Variants in MCTP1 observed in about 807,000 individuals in gnomAD.
The protein encoded by MCTP1 is multiple C2 and transmembrane domain-containing protein 1.
A neutral mutation model predicts 120.6 loss-of-function variants in MCTP1; 69 were observed. The observed-to-expected ratio is 0.57, with a 90% confidence interval of 0.47 to 0.70. The LOEUF (loss-of-function observed/expected upper bound fraction) is 0.70. Ranked by LOEUF, MCTP1 falls within the 30% of genes least tolerant of loss-of-function variation. The pLI is 0.00. For missense variants in MCTP1, 1,203 were observed against 1,248.8 expected, an observed-to-expected ratio of 0.96 and a Z score of 0.55; for synonymous variants, 529 against 493.1, an observed-to-expected ratio of 1.07 and a Z score of -0.96.
At chr5:95,161,072 C>G (rs1229242877) in intron 1 of MCTP1, among the ~76,000 whole-genome samples, 2 of 152,150 alleles carry the variant, frequency 1.3e-5, no homozygotes. Context: ...ACCACATGAT[C>G]CAGCAATCCT....
At chr5:94,936,582 G>C (rs1816255456) in intron 5 of MCTP1, among the ~76,000 whole-genome samples, 1 of 151,962 alleles carries the variant, frequency 6.6e-6, no homozygotes, top group South Asian at 2.1e-4. Flanking sequence ...TATAAAGCCT[G>C]GTATAATGCT....
intron 15 of MCTP1, 135 bp downstream of exon 15, chr5:94,870,737 C>A (rs542956940): frequency 2.8e-6 from 2 of 715,330 alleles, no homozygotes; most frequent in Admixed American, 5.0e-5. Flanking sequence ...CAGGCAGTGG[C>A]AGAAGCGTAT....
At chr5:94,939,988 A>T in intron 5 of MCTP1, 96 bp downstream of exon 5, 1 of 617,174 alleles carries the variant, frequency 1.6e-6, no homozygotes, top group Non-Finnish European at 2.8e-6. Context: ...GCATATTTTC[A>T]TAGGCAGCTT....
In MCTP1 at chr5:94,866,461, CT is replaced by C. The variant is rs1281373330; in HGVS notation, c.2436+1871del. Among the ~76,000 whole-genome samples, 3 of 151,656 alleles carry C rather than the reference CT, an allele frequency of 2.0e-5. No individual in the cohort carries two copies. In the East Asian group the frequency reaches 5.8e-4, roughly 29 times the overall value. On this transcript the variant is annotated intron_variant, in intron 17 of 22. Coordinates refer to ENST00000515393, the MANE Select transcript of MCTP1 (RefSeq NM_024717.7). ...GGTTCTTCTCCAAAGTACTCTTACTCTGTTTTCACATTGTAGTTTGTGTTCT... is the reference window on the plus strand; with the variant it reads ...GGTTCTTCTCCAAAGTACTCTTACTCGTTTTCACATTGTAGTTTGTGTTCT...
chr5:94,904,622 TTAAC>T lies in MCTP1; in HGVS notation c.1652+4625_1652+4628del, dbSNP rs559298595. 6.9e-4 allele frequency among the ~76,000 whole-genome samples: 105 copies of T among 152,340 alleles called. 1 individual carries two copies. The highest frequency in any genetic ancestry group is 2.5e-3 in the African/African-American group (102 of 41,584). On this transcript the variant is annotated intron_variant, in intron 10 of 22. Coordinates refer to ENST00000515393, the MANE Select transcript of MCTP1 (RefSeq NM_024717.7). ...AAGATTATTCAGACACTTTTATACT[TTAAC>T]TAATTCATTCTTCTCTTTTGCATTA...
intron 19 of MCTP1, among the ~76,000 whole-genome samples, chr5:94,751,864 A>T (rs1237813056): frequency 6.6e-6 from 1 of 151,298 alleles, no homozygotes. Flanking sequence ...CCTTACAAAA[A>T]ACCAAACACC....
At chr5:95,237,634 C>T (rs999391106) in intron 1 of MCTP1, among the ~76,000 whole-genome samples, 10 of 152,158 alleles carry the variant, frequency 6.6e-5, no homozygotes, top group African/African-American at 2.4e-4. Context: ...TGGCAAATTG[C>T]AGTGGAACAC....
chr5:94,807,528 C>T (rs1782599642), intron 17 of MCTP1, among the ~76,000 whole-genome samples: 1 of 152,132 alleles, frequency 6.6e-6, no homozygotes, highest in African/African-American at 2.4e-5. Flanking sequence ...CCAATGAAAG[C>T]ACTGTTTGTG....
At chr5:95,163,225 G>A (rs1745943364) in intron 1 of MCTP1, among the ~76,000 whole-genome samples, 1 of 152,134 alleles carries the variant, frequency 6.6e-6, no homozygotes, top group African/African-American at 2.4e-5. Context: ...GCTTGGCATA[G>A]TGCCTGCCTC....
intron 2 of MCTP1, among the ~76,000 whole-genome samples, chr5:94,968,920 C>T (rs1201467467): frequency 1.3e-5 from 2 of 152,186 alleles, no homozygotes; most frequent in Non-Finnish European, 2.9e-5. Context: ...ATTCGCCCTA[C>T]AGTAAAATTC....
chr5:94,860,026 C>A (rs554318879), intron 17 of MCTP1, among the ~76,000 whole-genome samples: 1 of 151,658 alleles, frequency 6.6e-6, no homozygotes, highest in African/African-American at 2.4e-5. Flanking sequence ...TTATATATAG[C>A]TACATGGGAT....
chr5:94,721,453 C>A (rs1386834450), intron 19 of MCTP1, among the ~76,000 whole-genome samples: 1 of 152,082 alleles, frequency 6.6e-6, no homozygotes. Context: ...GCACTCCCAC[C>A]CAGTCCACCG....
chr5:95,276,299 C>T (rs970595153), intron 1 of MCTP1, among the ~76,000 whole-genome samples: 1 of 129,530 alleles, frequency 7.7e-6, no homozygotes, highest in Non-Finnish European at 1.6e-5. Flanking sequence ...ACTCTTGTCG[C>T]CCAGGCTGGA....
chr5:94,894,088 A>G (rs1031376666), intron 11 of MCTP1, among the ~76,000 whole-genome samples: 1 of 152,192 alleles, frequency 6.6e-6, no homozygotes, highest in South Asian at 2.1e-4. Flanking sequence ...TTAGTGATTC[A>G]CTATTCCATA....
chr5:95,187,590 T>C (rs923568687), intron 1 of MCTP1, among the ~76,000 whole-genome samples: 22 of 152,030 alleles, frequency 1.4e-4, no homozygotes, highest in African/African-American at 5.1e-4. Context: ...TTAGTAGAGA[T>C]AGGGTTTCAC....
At chr5:95,013,828 A>G (rs1052652536) in intron 2 of MCTP1, among the ~76,000 whole-genome samples, 2 of 152,136 alleles carry the variant, frequency 1.3e-5, no homozygotes, top group African/African-American at 4.8e-5. Flanking sequence ...TCGATCAAGG[A>G]GTAATTTCTA....
chr5:94,890,287 G>A (rs576636716), intron 11 of MCTP1, among the ~76,000 whole-genome samples: 1 of 152,286 alleles, frequency 6.6e-6, no homozygotes, highest in South Asian at 2.1e-4. Context: ...TTACAGGCAT[G>A]AACCACCACT....
intron 7 of MCTP1, among the ~76,000 whole-genome samples, chr5:94,919,438 C>T (rs1810986214): frequency 1.3e-5 from 2 of 151,946 alleles, no homozygotes; most frequent in Admixed American, 1.3e-4. Context: ...TAAACCAATC[C>T]CCTTCCCTGA....
At chr5:94,829,573 T>C (rs1350796352) in intron 17 of MCTP1, among the ~76,000 whole-genome samples, 1 of 151,946 alleles carries the variant, frequency 6.6e-6, no homozygotes, top group African/African-American at 2.4e-5. Context: ...TCTCTTCAGC[T>C]CCACATCATG....
Sources: allele counts gnomAD v4.1 joint callset (sites outside exome capture counted in the v4.1 genomes callset), GRCh38; gene constraint gnomAD v4.1.1; transcripts MANE v1.5; gene names NCBI Gene and HGNC (gene_info 2026-07-23, HGNC 2026-07-21).